CBY1: variants seen among roughly 807,000 people sequenced by gnomAD.
CBY1 encodes chibby 1, beta catenin antagonist.
CBY1 carries 10 observed loss-of-function variants against 15.6 expected under a neutral mutation model. That is an observed-to-expected ratio of 0.64 (90% CI 0.40 to 1.09). The LOEUF (loss-of-function observed/expected upper bound fraction) is 1.09. Ranked by LOEUF, CBY1 falls within the 50% of genes least tolerant of loss-of-function variation. The pLI, the probability that CBY1 is intolerant of heterozygous loss-of-function variation, is 0.01. For missense variants in CBY1, 150 were observed against 160.5 expected, an observed-to-expected ratio of 0.93 and a Z score of 0.35; for synonymous variants, 61 against 63.5, an observed-to-expected ratio of 0.96 and a Z score of 0.19.
At chr22:38,672,235 C>T (rs1445746760) in intron 4 of CBY1, among the ~76,000 whole-genome samples, 1 of 150,612 alleles carries the variant, frequency 6.6e-6, no homozygotes, top group Non-Finnish European at 1.5e-5. Flanking sequence ...GTACTCTAGC[C>T]TGGGCAACAG....
chr22:38,665,720 C>G, intron 1 of CBY1: 1 of 1,229,480 alleles, frequency 8.1e-7, no homozygotes, highest in Non-Finnish European at 1.0e-6. Flanking sequence ...GCTCTGTATC[C>G]CAATCTGGAG....
intron 4 of CBY1, among the ~76,000 whole-genome samples, chr22:38,671,911 C>T (rs2092453477): frequency 6.6e-6 from 1 of 151,844 alleles, no homozygotes; most frequent in African/African-American, 2.4e-5. Flanking sequence ...ATGGCTTAAC[C>T]TCAGGAGTTT....
chr22:38,663,452 T>C (rs555907007), intron 1 of CBY1, among the ~76,000 whole-genome samples: 2 of 151,762 alleles, frequency 1.3e-5, no homozygotes, highest in East Asian at 3.9e-4. Flanking sequence ...TCCCAGCACT[T>C]TGGGAGGCTG....
chr22:38,672,255 C>T lies in CBY1; in HGVS notation c.304-904C>T, dbSNP rs544651775. On this transcript the variant is annotated intron_variant, in intron 4 of 4. Transcript: ENST00000216029. ...CTAGCCTGGGCAACAGAGTGAGACC[C>T]CATCTTGGAAAAAAAAAAAAGAAAA... 2.5e-3 allele frequency among the ~76,000 whole-genome samples: 345 copies of T among 140,080 alleles called. 1 individual carries two copies. Among genetic ancestry groups the T allele is most frequent in the Admixed American group, 4.1e-3 (59 of 14,304 alleles). The allele number at this position is 140,080 out of a possible 152,430, so 91.9% of individuals were successfully genotyped here. A position where few individuals can be genotyped will look rare whatever the true frequency, so the allele number is the denominator to read the frequency against.
chr22:38,658,849 A>G (rs2092413431), intron 1 of CBY1, among the ~76,000 whole-genome samples: 1 of 152,238 alleles, frequency 6.6e-6, no homozygotes, highest in Admixed American at 6.5e-5. Context: ...CTGCTTTCGC[A>G]GTGTTAAAGC....
At chr22:38,658,588 G>C (rs1319755527) in intron 1 of CBY1, among the ~76,000 whole-genome samples, 1 of 151,992 alleles carries the variant, frequency 6.6e-6, no homozygotes, top group Non-Finnish European at 1.5e-5. Context: ...AGCCTTCTGA[G>C]TAGCTGGGAC....
In CBY1 at chr22:38,673,361, G is replaced by GAA; in HGVS notation, c.*125_*126insAA. The GAA allele has an allele frequency of 1.6e-6, 1 of 625,522 alleles. No homozygotes were observed. The allele number at this position is 625,522 out of a possible 1,614,324, so 38.7% of individuals were successfully genotyped here. ...GACCCACAGGCACTGGCACCCTTGG[G>GAA]TTGGCAATAGAAGGTGACATGGAAT... On this transcript the variant is annotated 3_prime_UTR_variant, in exon 5 of 5. Transcript: ENST00000216029.
intron 4 of CBY1, among the ~76,000 whole-genome samples, chr22:38,672,263 G>GA (rs201182061): frequency 3.6e-4 from 51 of 142,788 alleles, no homozygotes; most frequent in African/African-American, 5.4e-4. Flanking sequence ...CCCCATCTTG[G>GA]AAAAAAAAAA....
chr22:38,664,013 CTG>C (rs960653191), intron 1 of CBY1, among the ~76,000 whole-genome samples: 3 of 147,500 alleles, frequency 2.0e-5, no homozygotes, highest in Non-Finnish European at 3.0e-5. Flanking sequence ...CAGAGCGAGA[CTG>C]TGTTTCAAAA....
intron 1 of CBY1, among the ~76,000 whole-genome samples, chr22:38,665,924 A>G (rs1332000902): frequency 6.6e-6 from 1 of 152,022 alleles, no homozygotes; most frequent in Non-Finnish European, 1.5e-5. Context: ...AATCCCAGCT[A>G]TTTACAAGGC....
chr22:38,660,024 C>T (rs1368174807), intron 1 of CBY1, among the ~76,000 whole-genome samples: 1 of 151,962 alleles, frequency 6.6e-6, no homozygotes, highest in African/African-American at 2.4e-5. Context: ...GAGTTGCTGT[C>T]CAAAAAGTGT....
chr22:38,667,985 C>T, intron 1 of CBY1, 32 bp from the exon 2 acceptor site: 1 of 1,205,738 alleles, frequency 8.3e-7, no homozygotes, highest in Non-Finnish European at 1.2e-6. Flanking sequence ...AGTGATCCAG[C>T]TGCTTGTACC....
Position 38,671,053 on chromosome 22 carries a change from T to C in CBY1, c.185-17T>C. 6.2e-7 allele frequency: 1 copy of C among 1,613,260 alleles called. No individual in the cohort carries two copies. The highest frequency in any genetic ancestry group is 8.5e-7 in the Non-Finnish European group (1 of 1,179,130). On this transcript the variant is annotated splice_polypyrimidine_tract_variant and intron_variant, in intron 3 of 4. Transcript: ENST00000216029. ...TAGGAGGAAATCCCCCTTTAACTGG[T>C]TCTGTCCTTCCTCCAGAGACAGGGG...
chr22:38,657,523 T>G (rs1417469574), intron 1 of CBY1, among the ~76,000 whole-genome samples: 1 of 152,250 alleles, frequency 6.6e-6, no homozygotes, highest in African/African-American at 2.4e-5. Context: ...ACAGCTTGTA[T>G]CTCAAGTGCA....
chr22:38,660,271 T>G (rs1341757903), intron 1 of CBY1, among the ~76,000 whole-genome samples: 2 of 151,840 alleles, frequency 1.3e-5, no homozygotes, highest in Admixed American at 1.3e-4. Flanking sequence ...CTTGGCTCAC[T>G]GCAACCTCTG....
At chr22:38,672,540 G>A (rs1380878777) in intron 4 of CBY1, among the ~76,000 whole-genome samples, 3 of 151,876 alleles carry the variant, frequency 2.0e-5, no homozygotes, top group East Asian at 2.0e-4. Flanking sequence ...GGTCTCCAAC[G>A]CCTGACCTCA....
intron 4 of CBY1, 167 bp downstream of exon 4, chr22:38,671,355 G>A (rs1017680143): frequency 7.8e-6 from 5 of 639,304 alleles, no homozygotes; most frequent in Non-Finnish European, 1.4e-5. Context: ...CCCTCACAGT[G>A]TAGAGGCAGG....
At chr22:38,666,716 T>G (rs945664747) in intron 1 of CBY1, 4 of 152,158 alleles carry the variant, frequency 2.6e-5, no homozygotes, top group Non-Finnish European at 4.4e-5. Context: ...TTTTAATTTA[T>G]TTTTGAGACA....
intron 1 of CBY1, among the ~76,000 whole-genome samples, chr22:38,663,622 G>C: frequency 6.6e-6 from 1 of 151,574 alleles, no homozygotes; most frequent in East Asian, 1.9e-4. Context: ...CTTGAACCCG[G>C]GAGGTGGAGG....
Sources: gnomAD v4.1 joint callset for allele counts (sites outside exome capture counted in the v4.1 genomes callset) on GRCh38, gnomAD v4.1.1 for gene constraint, MANE v1.5 for transcripts, NCBI Gene and HGNC (gene_info 2026-07-23, HGNC 2026-07-21) for gene names.